PAK3: variants seen among roughly 807,000 people sequenced by gnomAD.
The protein encoded by PAK3 is serine/threonine-protein kinase PAK 3.
In PAK3, 4 loss-of-function variants were observed where a neutral mutation model predicts 41.0. The observed-to-expected ratio is 0.10, with a 90% confidence interval of 0.05 to 0.22. PAK3 has a LOEUF of 0.22. Ranked by LOEUF, PAK3 falls within the 10% of genes least tolerant of loss-of-function variation. PAK3 has a pLI of 1.00. For synonymous variants in PAK3, 146 were observed against 139.6 expected (o/e 1.05, Z -0.32); for missense variants, 205 against 409.9 (o/e 0.50, Z 4.32).
intron 4 of PAK3, among the ~76,000 whole-genome samples, chrX:111,110,806 T>C (rs1280838596): frequency 8.9e-6 from 1 of 112,430 alleles, no homozygotes; most frequent in Middle Eastern, 4.2e-3. Flanking sequence ...ATGAGAATTA[T>C]AAGACATCAA....
chrX:111,024,387 G>A (rs1019809139), intron 1 of PAK3, among the ~76,000 whole-genome samples: 1 of 111,431 alleles, frequency 9.0e-6, no homozygotes, highest in Non-Finnish European at 1.9e-5. Flanking sequence ...CTCTTTTTGT[G>A]TTCCATATGA....
chrX:111,173,917 G>A (rs746060921), intron 11 of PAK3, among the ~76,000 whole-genome samples: 1 of 111,327 alleles, frequency 9.0e-6, no homozygotes, highest in South Asian at 3.8e-4. Context: ...ATATTCTTAA[G>A]GGACATCCTT....
At chrX:111,010,274 G>A (rs954386133) in intron 1 of PAK3, among the ~76,000 whole-genome samples, 20 of 111,918 alleles carry the variant, frequency 1.8e-4, no homozygotes, top group Middle Eastern at 4.6e-3. Flanking sequence ...GATTATGTGA[G>A]AACCACCCAG....
intron 6 of PAK3, among the ~76,000 whole-genome samples, chrX:111,142,584 A>T (rs1394494873): frequency 8.9e-6 from 1 of 112,056 alleles, no homozygotes; most frequent in East Asian, 2.8e-4. Context: ...GCTTTACATT[A>T]AAACCTAGAA....
At chrX:111,176,406 G>T (rs2094405550) in intron 11 of PAK3, among the ~76,000 whole-genome samples, 1 of 110,372 alleles carries the variant, frequency 9.1e-6, no homozygotes, top group South Asian at 4.0e-4. Context: ...AAACCTAGAT[G>T]ATGAGTTCAT....
intron 5 of PAK3, among the ~76,000 whole-genome samples, chrX:111,127,117 A>G (rs767734974): frequency 5.3e-5 from 6 of 112,321 alleles, no homozygotes; most frequent in Non-Finnish European, 1.1e-4. Flanking sequence ...GTCATAATGC[A>G]TACAGCTTTG....
chrX:111,178,123 T>C (rs1489202948), intron 11 of PAK3, among the ~76,000 whole-genome samples: 4 of 110,390 alleles, frequency 3.6e-5, no homozygotes, highest in Non-Finnish European at 7.6e-5. Flanking sequence ...TGGAGAAGAG[T>C]TATATCAAGA....
At position 111,137,260 on chromosome X, in the gene PAK3, A is replaced by G. The variant is rs1366615731; in HGVS notation, c.176-4836A>G. Among the ~76,000 whole-genome samples the G allele has an allele frequency of 3.6e-5, 4 of 111,902 alleles. No individual in the cohort carries two copies. In the Admixed American group the frequency reaches 3.8e-4, roughly 11 times the overall value. Reference sequence around the variant, plus strand: ...CTGCCTTCTCCATTCTCTCAGGACTACAGGCTTGGGATGAGAAAGGGTGAG... The same window carrying G: ...CTGCCTTCTCCATTCTCTCAGGACTGCAGGCTTGGGATGAGAAAGGGTGAG... On this transcript the variant is annotated intron_variant, in intron 5 of 17. Transcript: ENST00000372007.
chrX:111,000,786 G>C (rs1326965273), intron 1 of PAK3, among the ~76,000 whole-genome samples: 1 of 112,101 alleles, frequency 8.9e-6, no homozygotes, highest in Non-Finnish European at 1.9e-5. Context: ...ATTAAAACTA[G>C]CCCTGCCCTC....
rs1360304083 is a variant in PAK3 at position 111,070,133 on chromosome X, C to T, written c.-27-52944C>T. On this transcript the variant is annotated intron_variant, in intron 1 of 14. Transcript: ENST00000425146. ...GAGACAAAACAAACAAACAAACAAA[C>T]AAACAACAACAACAAAAAACAGACC... Among the ~76,000 whole-genome samples the T allele has an allele frequency of 5.4e-5, 6 of 111,377 alleles. No individual in the cohort carries two copies. In the Admixed American group the frequency reaches 5.7e-4, roughly 11 times the overall value.
chrX:111,075,641 G>C (rs915954298), intron 1 of PAK3, among the ~76,000 whole-genome samples: 13 of 112,796 alleles, frequency 1.2e-4, no homozygotes, highest in Non-Finnish European at 2.1e-4. Flanking sequence ...GCACCAAGAG[G>C]AAATGTGAGG....
At chrX:111,020,645 G>T (rs2092163855) in intron 1 of PAK3, among the ~76,000 whole-genome samples, 1 of 111,604 alleles carries the variant, frequency 9.0e-6, no homozygotes, top group Non-Finnish European at 1.9e-5. Context: ...GAAGCCGAGA[G>T]AATCCACAGA....
intron 1 of PAK3, among the ~76,000 whole-genome samples, chrX:111,011,189 G>C (rs1028361048): frequency 8.1e-5 from 9 of 111,225 alleles, no homozygotes; most frequent in Non-Finnish European, 1.3e-4. Flanking sequence ...CAAGGGGAAG[G>C]CAGTTTGGGC....
intron 1 of PAK3, among the ~76,000 whole-genome samples, chrX:111,013,435 T>C (rs192682419): frequency 1.8e-5 from 2 of 110,927 alleles, no homozygotes; most frequent in Admixed American, 1.9e-4. Context: ...TGCTTGAGTC[T>C]TATTTGGCCT....
At chrX:111,191,166 ACAGCTCACTG>A (rs2094557263) in intron 11 of PAK3, among the ~76,000 whole-genome samples, 1 of 111,684 alleles carries the variant, frequency 9.0e-6, no homozygotes, top group South Asian at 3.8e-4. Flanking sequence ...TGGCACAATC[ACAGCTCACTG>A]CAACCTCGAC....
intron 1 of PAK3, among the ~76,000 whole-genome samples, chrX:110,998,706 G>C (rs191308297): frequency 8.9e-6 from 1 of 112,147 alleles, no homozygotes; most frequent in Non-Finnish European, 1.9e-5. Flanking sequence ...TGAGGGCAAG[G>C]ACTTTGTCTT....
At chrX:111,002,075 T>C (rs1051480973) in intron 1 of PAK3, among the ~76,000 whole-genome samples, 6 of 111,980 alleles carry the variant, frequency 5.4e-5, no homozygotes, top group Non-Finnish European at 1.1e-4. Context: ...ATAGCTATAA[T>C]GTTTTCTAGT....
intron 1 of PAK3, among the ~76,000 whole-genome samples, chrX:110,947,734 T>G (rs1304298748): frequency 8.9e-6 from 1 of 111,840 alleles, no homozygotes; most frequent in African/African-American, 3.3e-5. Flanking sequence ...AGCATTTGGG[T>G]CTACTGGTGT....
At chrX:111,011,823 A>G (rs1006195255) in intron 1 of PAK3, among the ~76,000 whole-genome samples, 3 of 112,379 alleles carry the variant, frequency 2.7e-5, no homozygotes, top group Admixed American at 9.4e-5. Context: ...TGTGAGATAT[A>G]TGTTTCTCTA....
Sources: gnomAD v4.1 joint callset for allele counts (sites outside exome capture counted in the v4.1 genomes callset) on GRCh38, gnomAD v4.1.1 for gene constraint, MANE v1.5 for transcripts, NCBI Gene and HGNC (gene_info 2026-07-23, HGNC 2026-07-21) for gene names.